POC1A: variants seen among roughly 807,000 people sequenced by gnomAD.
The protein encoded by POC1A is POC1 centriolar protein homolog A.
POC1A carries 34 observed loss-of-function variants against 47.8 expected under a neutral mutation model. That is an observed-to-expected ratio of 0.71 (90% CI 0.54 to 0.95). POC1A has a LOEUF of 0.95. POC1A is among the 40% of genes least tolerant of loss of function. The pLI is 0.00. For synonymous variants in POC1A, 177 were observed against 207.6 expected (o/e 0.85, Z 1.27); for missense variants, 466 against 528.3 (o/e 0.88, Z 1.16).
chr3:52,130,414 C>T lies in POC1A; in HGVS notation c.814-5233G>A, dbSNP rs1353254996. ...CTCACTTACCAGGGTCTGCTGTGAA[C>T]TGGGCTCTCATGGCTGAGTGGGGCC... On this transcript the variant is annotated intron_variant, in intron 7 of 10. Transcript: ENST00000296484. 2.0e-5 allele frequency among the ~76,000 whole-genome samples: 3 copies of T among 152,240 alleles called. No individual in the cohort carries two copies. The East Asian group carries it at 5.8e-4, about 29-fold the overall frequency.
chr3:52,091,367 T>C (rs540602585), intron 10 of POC1A, among the ~76,000 whole-genome samples: 3 of 152,346 alleles, frequency 2.0e-5, no homozygotes, highest in Admixed American at 1.3e-4. Context: ...TCAGTTCCAT[T>C]GTTAGGAAAT....
intron 9 of POC1A, among the ~76,000 whole-genome samples, chr3:52,116,997 G>C (rs1703588295): frequency 6.6e-6 from 1 of 152,138 alleles, no homozygotes; most frequent in Admixed American, 6.5e-5. Flanking sequence ...AGACCAGCCT[G>C]GCCAACATGG....
chr3:52,086,004 T>A (rs72955238), intron 10 of POC1A, among the ~76,000 whole-genome samples: 1 of 152,126 alleles, frequency 6.6e-6, no homozygotes, highest in African/African-American at 2.4e-5. Context: ...TGGGAGGGTG[T>A]GAGCCATTGA....
chr3:52,087,183 G>A (rs142638226), intron 10 of POC1A, among the ~76,000 whole-genome samples: 1 of 152,252 alleles, frequency 6.6e-6, no homozygotes, highest in Non-Finnish European at 1.5e-5. Flanking sequence ...AAGTGGGGGC[G>A]GGAGTAAAGG....
chr3:52,099,812 C>T (rs1702935944), intron 9 of POC1A, among the ~76,000 whole-genome samples: 1 of 152,206 alleles, frequency 6.6e-6, no homozygotes, highest in Non-Finnish European at 1.5e-5. Flanking sequence ...GATCACACCA[C>T]TGCACTCCAG....
chr3:52,151,643 A>G (rs1372565679), intron 1 of POC1A, among the ~76,000 whole-genome samples: 1 of 151,920 alleles, frequency 6.6e-6, no homozygotes, highest in Non-Finnish European at 1.5e-5. Context: ...ATAATTTAAC[A>G]AAAGAAGTGC....
At chr3:52,115,377 C>T (rs1384944155) in intron 9 of POC1A, among the ~76,000 whole-genome samples, 1 of 152,184 alleles carries the variant, frequency 6.6e-6, no homozygotes, top group African/African-American at 2.4e-5. Context: ...GGGTTCACTC[C>T]TGCTCCAAAC....
intron 7 of POC1A, 144 bp from the exon 8 acceptor site, chr3:52,125,325 GT>G (rs1230560082): frequency 1.5e-6 from 1 of 658,664 alleles, no homozygotes; most frequent in Non-Finnish European, 2.6e-6. Context: ...TCCGTAACCT[GT>G]AGCCCAGGAG....
intron 6 of POC1A, among the ~76,000 whole-genome samples, chr3:52,143,119 A>G (rs923114994): frequency 2.0e-5 from 3 of 150,164 alleles, no homozygotes; most frequent in African/African-American, 4.9e-5. Context: ...TAAGCCTCCA[A>G]TCTACACTAG....
At chr3:52,097,285 T>A (rs774575056) in intron 9 of POC1A, among the ~76,000 whole-genome samples, 1 of 152,060 alleles carries the variant, frequency 6.6e-6, no homozygotes, top group Admixed American at 6.6e-5. Flanking sequence ...CTGGCCCAGA[T>A]CCCCTGGAAA....
chr3:52,145,847 C>G lies in POC1A; in HGVS notation c.678G>C (p.Gln226His). The change falls in exon 6 of 11, where the codon CAG becomes CAC. Residue 226 changes from glutamine to histidine, a missense_variant and splice_region_variant. Transcript: ENST00000296484. ...CCCAGGAGGCTGTTCACCACTCACA[C>G]TGATAATGCTGCAGCAGCCGGTGAG... ...VRTHRLLQHY[Q>H]LHSAAVNGLS... The G allele has an allele frequency of 1.9e-6, 3 of 1,608,412 alleles. No homozygotes were observed. The highest frequency in any genetic ancestry group is 2.6e-6 in the Non-Finnish European group (3 of 1,175,156).
In POC1A at chr3:52,084,390, C is replaced by T. The variant is rs1216528521; in HGVS notation, c.1126-8405G>A. On this transcript the variant is annotated intron_variant, in intron 10 of 10. Transcript: ENST00000296484. This position sits in a 1 kb window ranked among gnomAD's most constrained non-coding sequence, Gnocchi z 4.3. ...AAACTGAGGAGTTGTGGGACACTCA[C>T]GACCCGCCTTGGGGGCAGCCAACAA... Among the ~76,000 whole-genome samples, 4 of 152,184 alleles carry T rather than the reference C, an allele frequency of 2.6e-5. No homozygotes were observed. Among genetic ancestry groups the T allele is most frequent in the Non-Finnish European group, 2.9e-5 (2 of 68,038 alleles).
chr3:52,107,526 G>T (rs1703230380), intron 9 of POC1A, among the ~76,000 whole-genome samples: 1 of 152,176 alleles, frequency 6.6e-6, no homozygotes, highest in South Asian at 2.1e-4. Context: ...GGGCGGCTCT[G>T]GTTCAGTTCA....
rs757430387 is a variant in POC1A, at chr3:52,138,223, C to A, written c.759G>T (p.Leu253=). The stretch of plus-strand genomic sequence containing the variant: ...GGCCCTCCATCAGGTCCAGGATCTT[C>A]AGGGTTGAGTCACTGGAGGCTGTGA... ...YLITASSDST[L]KILDLMEGRL... is the part of the protein sequence containing the mutation. The change falls in exon 7 of 11, where the codon CTG becomes CTT. Residue 253 remains leucine (L), a synonymous_variant. Transcript: ENST00000296484. 19 of 1,614,070 alleles carry A rather than the reference C, an allele frequency of 1.2e-5. No individual in the cohort carries two copies. The East Asian group carries it at 4.2e-4, about 36-fold the overall frequency.
At chr3:52,082,189 G>C (rs1003329073) in intron 10 of POC1A, among the ~76,000 whole-genome samples, 3 of 152,150 alleles carry the variant, frequency 2.0e-5, no homozygotes, top group African/African-American at 7.2e-5. Flanking sequence ...AAGGAAGAGG[G>C]GGGAGTGGGG....
intron 7 of POC1A, among the ~76,000 whole-genome samples, chr3:52,125,635 A>G (rs374128331): frequency 2.1e-4 from 32 of 152,230 alleles, no homozygotes; most frequent in African/African-American, 7.2e-4. Flanking sequence ...GACCAGAGAA[A>G]TAGGGATCTC....
chr3:52,137,168 C>T (rs1180354033), intron 7 of POC1A, among the ~76,000 whole-genome samples: 2 of 152,070 alleles, frequency 1.3e-5, no homozygotes, highest in Non-Finnish European at 1.5e-5. Flanking sequence ...ACAGGGAAGG[C>T]AAGGGGTCAC....
In POC1A at chr3:52,120,651, A is replaced by G. The variant is rs1352663753; in HGVS notation, c.981+1728T>C. Among the ~76,000 whole-genome samples, 5 of 152,120 alleles carry G rather than the reference A, an allele frequency of 3.3e-5. No individual in the cohort carries two copies. In the South Asian group the frequency reaches 8.3e-4, roughly 25 times the overall value. On this transcript the variant is annotated intron_variant, in intron 9 of 10. Transcript: ENST00000296484. ...CCCCAGGACCCACATCCTTTCCCCTATTTGAGGCCCACACAGTGAGGGCCA... is the reference window on the plus strand; with the variant it reads ...CCCCAGGACCCACATCCTTTCCCCTGTTTGAGGCCCACACAGTGAGGGCCA...
chr3:52,148,116 A>G (rs992384104), intron 4 of POC1A, among the ~76,000 whole-genome samples: 14 of 152,280 alleles, frequency 9.2e-5, no homozygotes, highest in Admixed American at 8.5e-4. Flanking sequence ...AAAGCTCACC[A>G]TCAGTGTCAT....
Sources: allele counts gnomAD v4.1 joint callset (sites outside exome capture counted in the v4.1 genomes callset), GRCh38; gene constraint gnomAD v4.1.1; non-coding constraint Gnocchi (gnomAD v3.1); transcripts MANE v1.5; gene names NCBI Gene and HGNC (gene_info 2026-07-23, HGNC 2026-07-21).